CACNA1C: variants seen among roughly 807,000 people sequenced by gnomAD.
CACNA1C encodes the protein calcium voltage-gated channel subunit alpha1 C, also known as voltage-dependent L-type calcium channel subunit alpha-1C.
In CACNA1C, 30 loss-of-function variants were observed where a neutral mutation model predicts 229.0. That is an observed-to-expected ratio of 0.13 (90% CI 0.10 to 0.18). The LOEUF (loss-of-function observed/expected upper bound fraction) is 0.18, where lower values mean the gene tolerates loss of function less well. Ranked by LOEUF, CACNA1C falls within the 10% of genes least tolerant of loss-of-function variation. CACNA1C has a pLI of 1.00. For missense variants in CACNA1C, 1,658 were observed against 2,845.0 expected, an observed-to-expected ratio of 0.58 and a Z score of 9.49; for synonymous variants, 1,114 against 1,132.5, an observed-to-expected ratio of 0.98 and a Z score of 0.33.
intron 1 of CACNA1C, among the ~76,000 whole-genome samples, chr12:2,021,798 G>T (rs541659801): frequency 2.6e-5 from 4 of 152,320 alleles, no homozygotes; most frequent in African/African-American, 9.6e-5. Context: ...GCAAGAGAGA[G>T]ATATGCAAGT....
chr12:2,192,232 C>G (rs909413836), intron 3 of CACNA1C, among the ~76,000 whole-genome samples: 1 of 152,214 alleles, frequency 6.6e-6, no homozygotes, highest in Non-Finnish European at 1.5e-5. Context: ...GAGAAATCCC[C>G]TCAGGCCTTT....
At chr12:2,322,921 C>T (rs1201632192) in intron 3 of CACNA1C, among the ~76,000 whole-genome samples, 1 of 152,208 alleles carries the variant, frequency 6.6e-6, no homozygotes, top group African/African-American at 2.4e-5. Context: ...AGTGGCCCTC[C>T]GCCTGCCTGC....
intron 3 of CACNA1C, among the ~76,000 whole-genome samples, chr12:2,259,248 C>T (rs181486720): frequency 4.9e-4 from 75 of 152,310 alleles, no homozygotes; most frequent in African/African-American, 1.6e-3. Context: ...CTGCCCCACA[C>T]GGGACCCAGC....
At chr12:2,471,608 G>GT (rs567836565) in intron 5 of CACNA1C, among the ~76,000 whole-genome samples, 17 of 151,282 alleles carry the variant, frequency 1.1e-4, no homozygotes, top group South Asian at 2.1e-4. Flanking sequence ...TGATTGACAG[G>GT]TTTTTTTTTC....
intron 3 of CACNA1C, among the ~76,000 whole-genome samples, chr12:2,228,804 G>A (rs1334249848): frequency 6.6e-6 from 1 of 152,208 alleles, no homozygotes; most frequent in Admixed American, 6.5e-5. Flanking sequence ...CTTCTGCCTT[G>A]AATCAGATAT....
intron 1 of CACNA1C, among the ~76,000 whole-genome samples, chr12:2,040,236 G>T (rs1339091398): frequency 6.6e-6 from 1 of 152,054 alleles, no homozygotes; most frequent in East Asian, 1.9e-4. Context: ...CTTAAATGAG[G>T]TCTTTGTGTG....
intron 1 of CACNA1C, among the ~76,000 whole-genome samples, chr12:2,005,446 T>A (rs556038993): frequency 8.7e-4 from 132 of 152,336 alleles, no homozygotes; most frequent in Non-Finnish European, 1.3e-3. Context: ...TTCAAACAGG[T>A]ACTTGACAGA....
chr12:2,151,329 T>C (rs2154214487), intron 3 of CACNA1C, among the ~76,000 whole-genome samples: 1 of 151,194 alleles, frequency 6.6e-6, no homozygotes, highest in South Asian at 2.1e-4. Context: ...GCCAGGATTC[T>C]TTGTATATAC....
chr12:2,106,754 T>C (rs71454863), intron 1 of CACNA1C, among the ~76,000 whole-genome samples: 92 of 90,454 alleles, frequency 1.0e-3, no homozygotes, highest in African/African-American at 2.1e-3. Context: ...GTGCTCACCC[T>C]GGAGAGGGTT....
chr12:2,115,763 T>C (rs2083577658), intron 2 of CACNA1C, among the ~76,000 whole-genome samples: 2 of 152,368 alleles, frequency 1.3e-5, no homozygotes, highest in Admixed American at 1.3e-4. Context: ...GGCCCAGCAA[T>C]CTGCTTGTAT....
intron 34 of CACNA1C, among the ~76,000 whole-genome samples, chr12:2,656,902 A>G (rs1324674965): frequency 6.6e-6 from 1 of 152,252 alleles, no homozygotes; most frequent in African/African-American, 2.4e-5. Flanking sequence ...CATCATTAGC[A>G]TTAGACTTCT....
intron 3 of CACNA1C, among the ~76,000 whole-genome samples, chr12:2,330,040 C>T (rs2096491513): frequency 6.6e-6 from 1 of 152,174 alleles, no homozygotes; most frequent in Admixed American, 6.5e-5. Context: ...TGAAGAAGGC[C>T]ACAGGAACTA....
rs748027615 is a variant in CACNA1C, at chr12:2,632,675, C to T, written c.3829-1622C>T. On this transcript the variant is annotated intron_variant, in intron 29 of 46. Coordinates refer to ENST00000399655, the MANE Select transcript of CACNA1C (RefSeq NM_000719.7). The surrounding 1 kb of genome is among the most constrained non-coding windows in gnomAD (Gnocchi z 4.1). ...CCTTCAGGGCACCACTGTCTTCATC[C>T]CCTTCTAGGCAGCCAGCCTCCCCCA... 8.5e-5 allele frequency among the ~76,000 whole-genome samples: 13 copies of T among 152,164 alleles called. No individual in the cohort carries two copies. The highest frequency in any genetic ancestry group is 6.5e-5 in the Admixed American group (1 of 15,286).
chr12:2,419,291 A>G (rs1008227446), intron 3 of CACNA1C, among the ~76,000 whole-genome samples: 5 of 152,134 alleles, frequency 3.3e-5, no homozygotes, highest in Non-Finnish European at 7.3e-5. Context: ...GGAGCAGGAA[A>G]TGTCACATGG....
At chr12:2,270,800 G>A (rs1252533080) in intron 3 of CACNA1C, among the ~76,000 whole-genome samples, 2 of 152,176 alleles carry the variant, frequency 1.3e-5, no homozygotes, top group African/African-American at 4.8e-5. Flanking sequence ...CTTCTTTTGG[G>A]TGAAGTCTTA....
At chr12:2,582,443 G>A (rs1436765470) in intron 14 of CACNA1C, among the ~76,000 whole-genome samples, 1 of 152,216 alleles carries the variant, frequency 6.6e-6, no homozygotes, top group Non-Finnish European at 1.5e-5. Flanking sequence ...TGATGCCCCA[G>A]TGACGAATGT....
intron 5 of CACNA1C, among the ~76,000 whole-genome samples, chr12:2,474,704 T>C (rs1303940625): frequency 1.4e-5 from 2 of 145,594 alleles, no homozygotes; most frequent in Admixed American, 1.4e-4. Flanking sequence ...TGCAGTGAGC[T>C]GAGATCACGC....
At chr12:2,552,971 G>A (rs1223683030) in intron 10 of CACNA1C, among the ~76,000 whole-genome samples, 3 of 150,716 alleles carry the variant, frequency 2.0e-5, no homozygotes, top group East Asian at 3.9e-4. Flanking sequence ...TGTAGGGGAA[G>A]CAAGTGCTTA....
chr12:2,012,399 T>C (rs2044599880), intron 1 of CACNA1C, among the ~76,000 whole-genome samples: 1 of 152,246 alleles, frequency 6.6e-6, no homozygotes, highest in Non-Finnish European at 1.5e-5. Context: ...GCTCACTGGA[T>C]TGTCTATGGC....
Sources: allele counts gnomAD v4.1 joint callset (sites outside exome capture counted in the v4.1 genomes callset), GRCh38; gene constraint gnomAD v4.1.1; non-coding constraint Gnocchi (gnomAD v3.1); transcripts MANE v1.5; gene names NCBI Gene and HGNC (gene_info 2026-07-23, HGNC 2026-07-21).